Variants in NRXN1 observed in about 807,000 individuals in gnomAD.
NRXN1 encodes the protein neurexin 1.
Under a neutral mutation model 150.9 loss-of-function variants are expected in NRXN1, and 39 were observed. The observed-to-expected ratio is 0.26, with a 90% CI of 0.20 to 0.34. The LOEUF (loss-of-function observed/expected upper bound fraction) is 0.34. Among genes scored for constraint, NRXN1 ranks in the 10% least tolerant of loss-of-function variants. The pLI is 1.00. For missense variants in NRXN1, 1,815 were observed against 1,949.9 expected (o/e 0.93, Z 1.30); for synonymous variants, 924 against 757.0 (o/e 1.22, Z -3.62).
intron 17 of NRXN1, among the ~76,000 whole-genome samples, chr2:50,315,456 A>G (rs945897176): frequency 1.3e-5 from 2 of 152,160 alleles, no homozygotes; most frequent in Non-Finnish European, 2.9e-5. Flanking sequence ...CAGCACTTCA[A>G]TCATGCTCTT....
chr2:50,810,503 G>A (rs1574553511), intron 5 of NRXN1, among the ~76,000 whole-genome samples: 1 of 152,090 alleles, frequency 6.6e-6, no homozygotes, highest in African/African-American at 2.4e-5. Context: ...TTTACTCCCA[G>A]AAATTCATCT....
chr2:50,967,990 GCTAA>G (rs1472976045), intron 2 of NRXN1, among the ~76,000 whole-genome samples: 4 of 151,924 alleles, frequency 2.6e-5, no homozygotes, highest in Non-Finnish European at 4.4e-5. Context: ...CTCTCTCGGG[GCTAA>G]CTTTTTATTT....
At chr2:50,992,347 C>T (rs1558549100) in intron 2 of NRXN1, among the ~76,000 whole-genome samples, 1 of 151,920 alleles carries the variant, frequency 6.6e-6, no homozygotes, top group African/African-American at 2.4e-5. Context: ...TAGCAAACAG[C>T]AGAAAATATT....
At chr2:50,360,518 G>C (rs1317584899) in intron 17 of NRXN1, among the ~76,000 whole-genome samples, 1 of 151,950 alleles carries the variant, frequency 6.6e-6, no homozygotes, top group Non-Finnish European at 1.5e-5. Flanking sequence ...GAGAAAGAGG[G>C]GCATTACGTA....
At chr2:50,807,150 T>C (rs187120264) in intron 5 of NRXN1, among the ~76,000 whole-genome samples, 22 of 152,228 alleles carry the variant, frequency 1.4e-4, no homozygotes, top group African/African-American at 5.3e-4. Flanking sequence ...TTCTATTACT[T>C]CTCTTATTTT....
intron 21 of NRXN1, among the ~76,000 whole-genome samples, chr2:49,986,565 G>T (rs926122841): frequency 6.6e-6 from 1 of 152,014 alleles, no homozygotes; most frequent in Non-Finnish European, 1.5e-5. Context: ...GTATCCTTAT[G>T]AAACAATGAG....
At chr2:50,445,781 A>G (rs2086348379) in intron 17 of NRXN1, among the ~76,000 whole-genome samples, 1 of 152,164 alleles carries the variant, frequency 6.6e-6, no homozygotes, top group Non-Finnish European at 1.5e-5. Flanking sequence ...AGGGTATGTT[A>G]GGGCAAGGAC....
At chr2:50,879,781 T>G (rs1303109626) in intron 5 of NRXN1, among the ~76,000 whole-genome samples, 1 of 151,978 alleles carries the variant, frequency 6.6e-6, no homozygotes, top group African/African-American at 2.4e-5. Flanking sequence ...TATAGGTAAC[T>G]GTGGATCCAA....
intron 12 of NRXN1, among the ~76,000 whole-genome samples, chr2:50,519,775 A>T (rs1036864392): frequency 6.6e-6 from 1 of 151,898 alleles, no homozygotes; most frequent in African/African-American, 2.4e-5. Context: ...GATGCTCCCA[A>T]CCAGTTATCA....
intron 19 of NRXN1, among the ~76,000 whole-genome samples, chr2:50,069,085 A>C (rs1695806724): frequency 6.6e-6 from 1 of 152,238 alleles, no homozygotes; most frequent in Non-Finnish European, 1.5e-5. Context: ...GGGTACTACC[A>C]TGTGTTCTGT....
intron 18 of NRXN1, among the ~76,000 whole-genome samples, chr2:50,116,448 T>C (rs1032780858): frequency 6.6e-6 from 1 of 152,046 alleles, no homozygotes; most frequent in African/African-American, 2.4e-5. Flanking sequence ...ATGAATCATA[T>C]GTTTAAACAC....
chr2:50,554,493 A>G (rs1667949842), intron 8 of NRXN1: 1 of 152,170 alleles, frequency 6.6e-6, no homozygotes, highest in Non-Finnish European at 1.5e-5. Context: ...CACTCCCTGA[A>G]AGGAAAATAA....
intron 19 of NRXN1, among the ~76,000 whole-genome samples, chr2:50,087,589 C>T (rs918681087): frequency 3.3e-5 from 5 of 152,078 alleles, no homozygotes; most frequent in African/African-American, 1.2e-4. Context: ...TATTCTAGAG[C>T]TTTAACTGAT....
chr2:50,111,726 C>T (rs1340281173), intron 18 of NRXN1, among the ~76,000 whole-genome samples: 1 of 152,106 alleles, frequency 6.6e-6, no homozygotes, highest in African/African-American at 2.4e-5. Flanking sequence ...AATCACAGCC[C>T]TTTGAATATT....
chr2:50,685,608 T>C (rs1035092242), intron 5 of NRXN1, among the ~76,000 whole-genome samples: 4 of 152,150 alleles, frequency 2.6e-5, no homozygotes, highest in Non-Finnish European at 5.9e-5. Context: ...TATCCTCCAA[T>C]GAGTATAGGA....
At chr2:50,327,617 C>T (rs1205157218) in intron 17 of NRXN1, among the ~76,000 whole-genome samples, 2 of 151,702 alleles carry the variant, frequency 1.3e-5, no homozygotes, top group African/African-American at 2.4e-5. Context: ...CTCCCTCCCT[C>T]CCTCCTTCCC....
rs1286334429 is a variant in NRXN1 at position 50,090,509 on chromosome 2, T to C, written c.3718+814A>G. 2.6e-5 allele frequency among the ~76,000 whole-genome samples: 4 copies of C among 152,120 alleles called. No homozygotes were observed. In the East Asian group the frequency reaches 7.7e-4, roughly 29 times the overall value. On this transcript the variant is annotated intron_variant, in intron 19 of 22. Transcript: ENST00000401669. ...GTAATAGAGACGATAATGATTGCAG[T>C]AAAATATCTTTATACTTTTAATTTA... is the stretch of plus-strand genomic sequence containing the variant.
At chr2:50,804,131 G>C (rs530231420) in intron 5 of NRXN1, among the ~76,000 whole-genome samples, 2 of 152,112 alleles carry the variant, frequency 1.3e-5, no homozygotes, top group South Asian at 4.1e-4. Context: ...ATCAGTTCTC[G>C]AAATGAAATC....
intron 5 of NRXN1, among the ~76,000 whole-genome samples, chr2:50,638,172 A>G (rs1426867555): frequency 1.3e-5 from 2 of 152,190 alleles, no homozygotes; most frequent in African/African-American, 4.8e-5. Context: ...GATGATCATC[A>G]GAATCACCTG....
Sources: gnomAD v4.1 joint callset for allele counts (sites outside exome capture counted in the v4.1 genomes callset) on GRCh38, gnomAD v4.1.1 for gene constraint, MANE v1.5 for transcripts, NCBI Gene and HGNC (gene_info 2026-07-23, HGNC 2026-07-21) for gene names.